OTUD4: variants seen among roughly 807,000 people sequenced by gnomAD.
OTUD4 encodes the protein OTU deubiquitinase 4, also known as OTU domain-containing protein 4.
A neutral mutation model predicts 130.4 loss-of-function variants in OTUD4; 24 were observed. The ratio of observed to expected loss-of-function variants is 0.18; its 90% confidence interval spans 0.13 to 0.26. OTUD4 has a LOEUF of 0.26. Among genes scored for constraint, OTUD4 ranks in the 10% least tolerant of loss-of-function variants. OTUD4 has a pLI of 1.00. For missense variants in OTUD4, 1,031 were observed against 1,329.4 expected (o/e 0.78, Z 3.49); for synonymous variants, 420 against 472.5 (o/e 0.89, Z 1.44).
At chr4:145,164,331 C>T (rs1282011827) in intron 4 of OTUD4, 105 bp from the exon 5 acceptor site, 21 of 529,706 alleles carry the variant, frequency 4.0e-5, no homozygotes, top group Non-Finnish European at 6.8e-5. Flanking sequence ...AGGCACTGTC[C>T]CAACCACTGG....
At chr4:145,139,335 T>A (rs2126736608) in intron 20 of OTUD4, among the ~76,000 whole-genome samples, 1 of 152,290 alleles carries the variant, frequency 6.6e-6, no homozygotes, top group South Asian at 2.1e-4. Flanking sequence ...CGTTTCATAG[T>A]TTAACTGTCT....
At chr4:145,159,338 A>G in intron 7 of OTUD4, 165 bp downstream of exon 7, 10 of 1,458,268 alleles carry the variant, frequency 6.9e-6, no homozygotes, top group Non-Finnish European at 9.0e-6. Flanking sequence ...GAAATTAGGT[A>G]AAATTAGTGA....
At chr4:145,173,779 A>G (rs1429322015) in intron 2 of OTUD4, among the ~76,000 whole-genome samples, 1 of 152,208 alleles carries the variant, frequency 6.6e-6, no homozygotes, top group African/African-American at 2.4e-5. Flanking sequence ...TGAATGTAAA[A>G]TGAAAACAGG....
intron 6 of OTUD4, among the ~76,000 whole-genome samples, chr4:145,160,441 A>G (rs971868766): frequency 2.6e-5 from 4 of 152,244 alleles, no homozygotes; most frequent in African/African-American, 9.6e-5. Context: ...TTTAACAAAA[A>G]TTCAAAAATA....
rs567328177 is a variant in OTUD4, at chr4:145,157,185, A to G, written c.630-1189T>C. Among the ~76,000 whole-genome samples, 172 of 152,366 alleles carry G rather than the reference A, an allele frequency of 1.1e-3. 1 individual carries two copies. In the South Asian group the frequency reaches 0.014, roughly 12 times the overall value. On this transcript the variant is annotated intron_variant, in intron 7 of 20. Transcript: ENST00000447906. The stretch of plus-strand genomic sequence containing the variant: ...TAAGTAATAAGTATGTTAAATGCTG[A>G]TAACTGCTATAAAGAAAAAAAAATA...
In OTUD4 at chr4:145,144,371, GTGA is replaced by G; in HGVS notation, c.1483_1485del (p.Ser495del). On this transcript the variant is annotated inframe_deletion, in exon 15 of 21. Coordinates refer to ENST00000447906, the MANE Select transcript of OTUD4 (RefSeq NM_001366057.1). ...CTGCTTCCTTTTCTATCACCTACAT[GTGA>G]TGATTTTCTCTGGACACATGGATTG... 3 of 1,612,560 alleles carry G rather than the reference GTGA, an allele frequency of 1.9e-6. No homozygotes were observed. Among genetic ancestry groups the G allele is most frequent in the Non-Finnish European group, 2.5e-6 (3 of 1,179,112 alleles).
At chr4:145,163,275 A>C (rs3775801) in intron 5 of OTUD4, among the ~76,000 whole-genome samples, 41,976 of 152,164 alleles carry the variant, frequency 0.28, 7,243 homozygotes, top group Non-Finnish European at 0.38. Context: ...CTCTAACTTA[A>C]CACCACCAGC....
At chr4:145,179,702 C>T (rs897991062) in intron 1 of OTUD4, 113 bp downstream of exon 1, 3 of 1,411,610 alleles carry the variant, frequency 2.1e-6, no homozygotes, top group Non-Finnish European at 2.7e-6. Flanking sequence ...ACAGCCAGGG[C>T]ACGCGCAGCC....
chr4:145,144,004 A>G lies in OTUD4; in HGVS notation c.1547-3T>C. 6.2e-7 allele frequency: 1 copy of G among 1,609,712 alleles called. No individual in the cohort carries two copies. Among genetic ancestry groups the G allele is most frequent in the Non-Finnish European group, 8.5e-7 (1 of 1,176,408 alleles). On this transcript the variant is annotated splice_region_variant and splice_polypyrimidine_tract_variant and intron_variant, in intron 15 of 20. Transcript: ENST00000447906. ...CTGACTATGTCCATGAATAGAGTCT[A>G]TAGCAGATCAAGATTAAAAAAGACA...
At chr4:145,158,578 T>C (rs547517586) in intron 7 of OTUD4, among the ~76,000 whole-genome samples, 35 of 152,228 alleles carry the variant, frequency 2.3e-4, no homozygotes, top group African/African-American at 8.4e-4. Context: ...AAGAATTAGA[T>C]ATCCTAAGCC....
In OTUD4 at chr4:145,179,918, C is replaced by A. The variant is rs1387065251; in HGVS notation, c.56G>T (p.Arg19Leu). 9 of 1,525,118 alleles carry A rather than the reference C, an allele frequency of 5.9e-6. No homozygotes were observed. In the Admixed American group the frequency reaches 1.8e-4, roughly 30 times the overall value. 94.5% of individuals were successfully genotyped at this position (1,525,118 alleles called of 1,614,324 possible). A position where few individuals can be genotyped will look rare whatever the true frequency, so the allele number is the denominator to read the frequency against. ...GGCGTCCATGGGCGTCGCGTCCTCGCGGGGCCCCGCGCCGCCCTGGTCCCC... is the reference window on the plus strand; with the variant it reads ...GGCGTCCATGGGCGTCGCGTCCTCGAGGGGCCCCGCGCCGCCCTGGTCCCC... ...DGGDQGGAGP[R>L]EDATPMDAYL... The change falls in exon 1 of 21, where the codon CGC becomes CTC. Residue 19 changes from arginine to leucine, a missense_variant. Arg to Leu is a moderately radical substitution (Grantham distance 102, BLOSUM62 -2). This residue lies in a region of OTUD4 where 54 missense variants were observed against 60.6 expected (regional missense o/e 0.89). Coordinates refer to ENST00000447906, the MANE Select transcript of OTUD4 (RefSeq NM_001366057.1).
intron 3 of OTUD4, 43 bp from the exon 4 acceptor site, chr4:145,165,240 T>C: frequency 7.6e-7 from 1 of 1,319,302 alleles, no homozygotes. Context: ...GTCTCACACT[T>C]TTTAGATTCC....
In OTUD4 at chr4:145,146,461, C is replaced by CATAAATAAATAA. The variant is rs55722437; in HGVS notation, c.1260-44_1260-33dup. 562 of 948,256 alleles carry CATAAATAAATAA rather than the reference C, an allele frequency of 5.9e-4. 4 individuals carry two copies. In the African/African-American group the frequency reaches 9.5e-3, roughly 16 times the overall value. 58.7% of individuals were successfully genotyped at this position (948,256 alleles called of 1,614,324 possible). On this transcript the variant is annotated intron_variant, in intron 13 of 20. Transcript: ENST00000447906. ...AATAAAACATTCTTGTCAGAAAATACATAAATAAATAAATAAATAAATAAA... is the reference window on the plus strand; with the variant it reads ...AATAAAACATTCTTGTCAGAAAATACATAAATAAATAAATAAATAAATAAATAAATAAATAAA...
At chr4:145,159,131 A>C (rs1458933700) in intron 7 of OTUD4, 1 of 1,042,364 alleles carries the variant, frequency 9.6e-7, no homozygotes, top group Non-Finnish European at 1.2e-6. Context: ...AAACAATAAA[A>C]GAAAGTGAAG....
At chr4:145,167,031 G>T (rs1751912649) in intron 3 of OTUD4, among the ~76,000 whole-genome samples, 1 of 152,106 alleles carries the variant, frequency 6.6e-6, no homozygotes, top group Non-Finnish European at 1.5e-5. Flanking sequence ...ACATAGAAAG[G>T]GGATGGGGAG....
chr4:145,163,188 T>G (rs1372895111), intron 5 of OTUD4, among the ~76,000 whole-genome samples: 1 of 152,166 alleles, frequency 6.6e-6, no homozygotes, highest in Non-Finnish European at 1.5e-5. Context: ...TCAAAACTTG[T>G]TTTGAAAAAG....
intron 5 of OTUD4, among the ~76,000 whole-genome samples, chr4:145,163,102 T>G (rs1458027478): frequency 6.6e-6 from 1 of 152,224 alleles, no homozygotes; most frequent in East Asian, 1.9e-4. Context: ...AATTTCTTTG[T>G]ATAAGTGATT....
chr4:145,142,908 G>T (rs1750633048), intron 17 of OTUD4, among the ~76,000 whole-genome samples: 1 of 152,126 alleles, frequency 6.6e-6, no homozygotes, highest in African/African-American at 2.4e-5. Flanking sequence ...CATGAAATTT[G>T]TAAATTGGTA....
At chr4:145,161,746 T>C (rs916236613) in intron 6 of OTUD4, among the ~76,000 whole-genome samples, 10 of 152,188 alleles carry the variant, frequency 6.6e-5, no homozygotes, top group African/African-American at 2.4e-4. Flanking sequence ...CAGAGGAGTA[T>C]CTGGCCGAAA....
Sources: gnomAD v4.1 joint callset for allele counts (sites outside exome capture counted in the v4.1 genomes callset) on GRCh38, gnomAD v4.1.1 for gene constraint, gnomAD v4.1.1 regional missense constraint, MANE v1.5 for transcripts, NCBI Gene and HGNC (gene_info 2026-07-23, HGNC 2026-07-21) for gene names.